The following ACTR3C variants were observed in gnomAD, a reference collection of about 807,000 sequenced individuals.
ACTR3C encodes the protein actin related protein 3C, also known as actin-related protein 3C.
A neutral mutation model predicts 26.3 loss-of-function variants in ACTR3C; 18 were observed. The ratio of observed to expected loss-of-function variants is 0.68; its 90% CI spans 0.47 to 1.01. The LOEUF is 1.01. Ranked by LOEUF, ACTR3C falls within the 50% of genes least tolerant of loss-of-function variation. The pLI, the probability that ACTR3C is intolerant of heterozygous loss-of-function variation, is 0.00. For synonymous variants in ACTR3C, 55 were observed against 94.5 expected (o/e 0.58, Z 2.42); for missense variants, 184 against 250.7 (o/e 0.73, Z 1.80).
At chr7:149,972,534 A>T in the ACTR3C span, among the ~76,000 whole-genome samples, 1 of 151,798 alleles carries the variant, frequency 6.6e-6, no homozygotes, top group Non-Finnish European at 1.5e-5. Flanking sequence ...GCCCCTCTCC[A>T]GCCTCTGGAG....
chr7:150,145,216 T>C, the ACTR3C span, among the ~76,000 whole-genome samples: 727 of 150,576 alleles, frequency 4.8e-3, 1 homozygote, highest in Non-Finnish European at 7.1e-3. Flanking sequence ...ATGGCAAACC[T>C]GTGAGACACA....
intron 3 of ACTR3C, among the ~76,000 whole-genome samples, chr7:150,291,111 T>C (rs67267434): frequency 0.18 from 27,759 of 151,902 alleles, 3,460 homozygotes; most frequent in African/African-American, 0.34. Flanking sequence ...TGTGTGTGCA[T>C]GCATGCGTGC....
the ACTR3C span, among the ~76,000 whole-genome samples, chr7:150,220,784 G>A: frequency 6.6e-6 from 1 of 152,306 alleles, no homozygotes; most frequent in African/African-American, 2.4e-5. Context: ...ACCGCTGCAA[G>A]GAGCCCACGG....
the ACTR3C span, among the ~76,000 whole-genome samples, chr7:149,980,787 C>T: frequency 1.3e-5 from 2 of 152,200 alleles, no homozygotes; most frequent in African/African-American, 4.8e-5. Context: ...GTGTAAAGAC[C>T]TTGTGACTAC....
At chr7:150,014,178 G>A in the ACTR3C span, among the ~76,000 whole-genome samples, 14 of 152,154 alleles carry the variant, frequency 9.2e-5, no homozygotes, top group South Asian at 1.5e-3. Context: ...GGCATAGGCC[G>A]GGCACGGTGG....
chr7:150,308,572 G>A (rs189092721), intron 1 of ACTR3C, among the ~76,000 whole-genome samples: 5 of 151,856 alleles, frequency 3.3e-5, no homozygotes, highest in South Asian at 4.2e-4. Flanking sequence ...TCTCCTGTCC[G>A]CTTCTTCAGT....
chr7:150,305,202 A>T (rs534119416), intron 1 of ACTR3C, among the ~76,000 whole-genome samples: 1 of 152,108 alleles, frequency 6.6e-6, no homozygotes, highest in Non-Finnish European at 1.5e-5. Flanking sequence ...TCTCCCACTG[A>T]CTCAGAGCTG....
At chr7:150,065,543 A>C in the ACTR3C span, among the ~76,000 whole-genome samples, 1 of 152,296 alleles carries the variant, frequency 6.6e-6, no homozygotes, top group Non-Finnish European at 1.5e-5. Context: ...CCACAAAGGA[A>C]AGTTAAAGGC....
chr7:150,213,922 T>TA, the ACTR3C span, among the ~76,000 whole-genome samples: 63 of 144,812 alleles, frequency 4.4e-4, 2 homozygotes, highest in South Asian at 8.9e-3. Context: ...CACAAAGATT[T>TA]AAAGTCTTGA....
chr7:150,261,576 C>A (rs1299768685), intron 6 of ACTR3C, among the ~76,000 whole-genome samples: 1 of 152,242 alleles, frequency 6.6e-6, no homozygotes, highest in Admixed American at 6.5e-5. Flanking sequence ...GTGGCACATG[C>A]CTATAATCCC....
chr7:150,053,739 C>T, the ACTR3C span, among the ~76,000 whole-genome samples: 1 of 152,184 alleles, frequency 6.6e-6, no homozygotes, highest in South Asian at 2.1e-4. Context: ...AATCCTGCCA[C>T]GTAAATTGGT....
the ACTR3C span, among the ~76,000 whole-genome samples, chr7:150,084,648 A>G: frequency 6.6e-6 from 1 of 152,188 alleles, no homozygotes; most frequent in Non-Finnish European, 1.5e-5. Context: ...TGGCCAGAGC[A>G]TGGAGTGTGC....
At chr7:150,292,603 C>T (rs867158187) in intron 3 of ACTR3C, among the ~76,000 whole-genome samples, 4 of 151,000 alleles carry the variant, frequency 2.6e-5, no homozygotes, top group Middle Eastern at 3.4e-3. Flanking sequence ...CGGGTTCAAG[C>T]GATTCTCCTG....
chr7:150,286,524 A>G lies in ACTR3C; in HGVS notation c.314T>C (p.Ile105Thr), dbSNP rs1835787251. ...AKAIKEKYCY[I>T]CPDIVKEFAK... ...AAATTCCTTGACTATATCGGGGCAA[A>G]TGTAACAGTATTTCTCCTGCATACA... Residue 105 changes from isoleucine to threonine, a missense_variant, in exon 5 of 8, where the codon ATT becomes ACT. By Grantham distance (89) the Ile-to-Thr change is moderately conservative. Coordinates refer to ENST00000683684, the MANE Select transcript of ACTR3C (RefSeq NM_001164458.2). The G allele has an allele frequency of 6.2e-7, 1 of 1,611,154 alleles. No individual in the cohort carries two copies. The highest frequency in any genetic ancestry group is 1.1e-5 in the South Asian group (1 of 90,288).
intron 6 of ACTR3C, among the ~76,000 whole-genome samples, chr7:150,256,474 G>A (rs957857543): frequency 6.6e-6 from 1 of 152,244 alleles, no homozygotes; most frequent in African/African-American, 2.4e-5. Flanking sequence ...TCTAACTGAT[G>A]TGAGAACTGA....
At chr7:150,056,530 A>G in the ACTR3C span, among the ~76,000 whole-genome samples, 1 of 152,214 alleles carries the variant, frequency 6.6e-6, no homozygotes, top group Admixed American at 6.5e-5. Flanking sequence ...TTCTCTCAAC[A>G]ATTACTTATA....
chr7:150,126,492 C>T, the ACTR3C span, among the ~76,000 whole-genome samples: 39 of 152,258 alleles, frequency 2.6e-4, no homozygotes, highest in African/African-American at 8.7e-4. Context: ...ACATGGGAAA[C>T]GAGAGAGTTG....
chr7:150,088,990 A>G, the ACTR3C span, among the ~76,000 whole-genome samples: 2 of 152,210 alleles, frequency 1.3e-5, no homozygotes, highest in Non-Finnish European at 2.9e-5. Context: ...ACCAGCACCA[A>G]CCACTGCTTC....
At chr7:150,322,998 G>A (rs1349415243) in intron 1 of ACTR3C, 1 of 152,892 alleles carries the variant, frequency 6.5e-6, no homozygotes, top group Non-Finnish European at 1.5e-5. Context: ...GCGTGCAGGG[G>A]GCCTTGGGTG....
Sources: allele counts gnomAD v4.1 joint callset (sites outside exome capture counted in the v4.1 genomes callset), GRCh38; gene constraint gnomAD v4.1.1; transcripts MANE v1.5; gene names NCBI Gene and HGNC (gene_info 2026-07-23, HGNC 2026-07-21).